Variants in TCF12 observed in about 807,000 individuals in gnomAD.
TCF12 encodes transcription factor 12.
In TCF12, 45 loss-of-function variants were observed where a neutral mutation model predicts 86.0. The ratio of observed to expected loss-of-function variants is 0.52; its 90% confidence interval spans 0.41 to 0.67. The LOEUF (loss-of-function observed/expected upper bound fraction) is 0.67. Among genes scored for constraint, TCF12 ranks in the 30% least tolerant of loss-of-function variants. The pLI, the probability that TCF12 is intolerant of heterozygous loss-of-function variation, is 0.00. For missense variants in TCF12, 881 were observed against 859.9 expected, an observed-to-expected ratio of 1.02 and a Z score of -0.31; for synonymous variants, 330 against 299.6, an observed-to-expected ratio of 1.10 and a Z score of -1.05.
chr15:57,285,248 T>C (rs1018313490), intron 20 of TCF12, among the ~76,000 whole-genome samples: 3 of 152,200 alleles, frequency 2.0e-5, no homozygotes, highest in African/African-American at 7.2e-5. Flanking sequence ...TTTGAATATC[T>C]TAGTTTTCCG....
chr15:57,189,436 G>A (rs1419535111), intron 6 of TCF12, among the ~76,000 whole-genome samples: 1 of 152,110 alleles, frequency 6.6e-6, no homozygotes, highest in African/African-American at 2.4e-5. Flanking sequence ...GACTTGACTA[G>A]ACATTCTTCC....
At chr15:57,054,257 T>C (rs2067832922) in intron 3 of TCF12, among the ~76,000 whole-genome samples, 1 of 152,188 alleles carries the variant, frequency 6.6e-6, no homozygotes, top group Non-Finnish European at 1.5e-5. Context: ...TAGTAATTGC[T>C]CACACAGCTG....
intron 5 of TCF12, among the ~76,000 whole-genome samples, chr15:57,147,777 G>A (rs1274174676): frequency 6.6e-6 from 1 of 151,866 alleles, no homozygotes; most frequent in African/African-American, 2.4e-5. Flanking sequence ...ACAAATTAAA[G>A]CAGAGTTCCT....
chr15:57,105,612 A>G (rs900057304), intron 5 of TCF12, among the ~76,000 whole-genome samples: 9 of 152,082 alleles, frequency 5.9e-5, no homozygotes, highest in African/African-American at 1.9e-4. Context: ...GGGGTTCACC[A>G]TGTTGGCCAG....
chr15:57,154,609 C>G (rs1256431471), intron 5 of TCF12, among the ~76,000 whole-genome samples: 2 of 152,090 alleles, frequency 1.3e-5, no homozygotes, highest in African/African-American at 4.8e-5. Flanking sequence ...TGCATACTTT[C>G]TTTGGTGAAT....
intron 3 of TCF12, among the ~76,000 whole-genome samples, chr15:57,025,014 C>G (rs1318981318): frequency 6.6e-6 from 1 of 151,766 alleles, no homozygotes; most frequent in Non-Finnish European, 1.5e-5. Flanking sequence ...TGTTGCATAG[C>G]TATGATGGAA....
At chr15:57,026,396 C>T (rs1400159826) in intron 3 of TCF12, among the ~76,000 whole-genome samples, 1 of 152,150 alleles carries the variant, frequency 6.6e-6, no homozygotes, top group Non-Finnish European at 1.5e-5. Context: ...TCTTGAGAGG[C>T]CTAGTGTCCT....
At chr15:57,138,397 C>A (rs772122260) in intron 5 of TCF12, among the ~76,000 whole-genome samples, 1 of 152,106 alleles carries the variant, frequency 6.6e-6, no homozygotes, top group Non-Finnish European at 1.5e-5. Flanking sequence ...CTTCTCTTAC[C>A]CTGTTAACCA....
intron 4 of TCF12, among the ~76,000 whole-genome samples, chr15:57,066,924 C>T (rs2068927597): frequency 6.6e-6 from 1 of 152,138 alleles, no homozygotes; most frequent in African/African-American, 2.4e-5. Context: ...ACACTATTTG[C>T]CTTACAGGGT....
At chr15:57,123,220 C>T (rs183311053) in intron 5 of TCF12, among the ~76,000 whole-genome samples, 3 of 152,118 alleles carry the variant, frequency 2.0e-5, no homozygotes, top group East Asian at 1.9e-4. Flanking sequence ...TGAGCATGAA[C>T]GAAAATAATT....
At chr15:56,959,314 G>C (rs1458118014) in intron 3 of TCF12, among the ~76,000 whole-genome samples, 1 of 152,158 alleles carries the variant, frequency 6.6e-6, no homozygotes, top group Non-Finnish European at 1.5e-5. Flanking sequence ...TCCATGGAGA[G>C]GCTACAGCTT....
At chr15:57,149,813 A>C (rs1462544505) in intron 5 of TCF12, among the ~76,000 whole-genome samples, 1 of 152,166 alleles carries the variant, frequency 6.6e-6, no homozygotes, top group South Asian at 2.1e-4. Flanking sequence ...ACAGAAGTCA[A>C]GTTTTGTTAT....
At chr15:57,058,534 G>A (rs1312917657) in intron 3 of TCF12, among the ~76,000 whole-genome samples, 7 of 152,084 alleles carry the variant, frequency 4.6e-5, no homozygotes, top group Admixed American at 3.3e-4. Context: ...AAAGATGACC[G>A]GAAAGGGTGA....
rs553971937 is a variant in TCF12 at position 56,961,475 on chromosome 15, G to T, written c.148+40377G>T. Among the ~76,000 whole-genome samples, 10 of 152,254 alleles carry T rather than the reference G, an allele frequency of 6.6e-5. No individual in the cohort carries two copies. In the South Asian group the frequency reaches 1.2e-3, roughly 19 times the overall value. On this transcript the variant is annotated intron_variant, in intron 3 of 20. Transcript: ENST00000333725. ...CATAGTTAGATTTGTATAAGCAACC[G>T]CAAAACGATATAGTCCAGTATCTAG...
At chr15:57,162,324 A>G (rs1466172671) in intron 5 of TCF12, among the ~76,000 whole-genome samples, 1 of 152,198 alleles carries the variant, frequency 6.6e-6, no homozygotes, top group Admixed American at 6.5e-5. Flanking sequence ...AAGATAATGT[A>G]TATGATTAAT....
At chr15:56,948,681 G>C (rs1266577410) in intron 3 of TCF12, among the ~76,000 whole-genome samples, 1 of 152,170 alleles carries the variant, frequency 6.6e-6, no homozygotes, top group Non-Finnish European at 1.5e-5. Context: ...GTTTATAATG[G>C]AATAAGCTTA....
chr15:57,117,724 A>T (rs115910574), intron 5 of TCF12, among the ~76,000 whole-genome samples: 4,477 of 152,292 alleles, frequency 0.029, 185 homozygotes, highest in African/African-American at 0.09. Flanking sequence ...AATTTGTAAT[A>T]ACATTTCCCC....
intron 1 of TCF12, chr15:56,919,516 A>C: frequency 6.0e-6 from 1 of 165,784 alleles, no homozygotes; most frequent in Non-Finnish European, 1.3e-5. Flanking sequence ...CTGGACGCCG[A>C]ATTGCCCCTC....
In TCF12 at chr15:57,129,812, G is replaced by A. The variant is rs1411613496; in HGVS notation, c.326-36590G>A. 1.7e-4 allele frequency: 26 copies of A among 152,208 alleles called. 1 individual carries two copies. The highest frequency in any genetic ancestry group is 1.4e-3 in the Admixed American group (21 of 15,282). The allele number at this position is 152,208 out of a possible 1,614,324, so 9.4% of individuals were successfully genotyped here. A position where few individuals can be genotyped will look rare whatever the true frequency, so the allele number is the denominator to read the frequency against. ...ACAGATGAAGAAACTGAGGCTTAGA[G>A]AGAAGACATACAAGTAATTCACCAG... On this transcript the variant is annotated intron_variant, in intron 5 of 20. Transcript: ENST00000333725.
Sources: gnomAD v4.1 joint callset for allele counts (sites outside exome capture counted in the v4.1 genomes callset) on GRCh38, gnomAD v4.1.1 for gene constraint, MANE v1.5 for transcripts, NCBI Gene and HGNC (gene_info 2026-07-23, HGNC 2026-07-21) for gene names.